The following CWF19L2 variants were observed in gnomAD, a reference collection of about 807,000 sequenced individuals.
CWF19L2 encodes the protein CWF19 like cell cycle control factor 2, also known as CWF19-like protein 2.
Under a neutral mutation model 111.7 loss-of-function variants are expected in CWF19L2, and 98 were observed. The ratio of observed to expected loss-of-function variants is 0.88; its 90% CI spans 0.75 to 1.04. The LOEUF (loss-of-function observed/expected upper bound fraction) is 1.04. Among genes scored for constraint, CWF19L2 ranks in the 50% least tolerant of loss-of-function variants. The pLI, the probability that CWF19L2 is intolerant of heterozygous loss-of-function variation, is 0.00. For missense variants in CWF19L2, 1,101 were observed against 1,051.4 expected (o/e 1.05, Z -0.65); for synonymous variants, 351 against 342.9 (o/e 1.02, Z -0.26).
At position 107,374,414 on chromosome 11, in the gene CWF19L2, C is replaced by T. The variant is rs1464441923; in HGVS notation, c.1872+15660G>A. 3.0e-3 allele frequency among the ~76,000 whole-genome samples: 406 copies of T among 134,682 alleles called. 20 individuals carry two copies. The highest frequency in any genetic ancestry group is 0.011 in the African/African-American group (360 of 32,476). 88.4% of individuals were successfully genotyped at this position (134,682 alleles called of 152,430 possible). A position where few individuals can be genotyped will look rare whatever the true frequency, so the allele number is the denominator to read the frequency against. ...AAAGGGAAGCCCATCAGACTAACAG[C>T]AGATCTCTCGGCAGAAACTCTACAA... On this transcript the variant is annotated intron_variant, in intron 12 of 17. Transcript: ENST00000282251.
Position 107,346,087 on chromosome 11 carries a change from T to C in CWF19L2, c.2202+2850A>G, listed in dbSNP as rs538470605. ...TTTAAGGAAACTATACTGCACAATG[T>C]TGCAGGTCCTTTTGTATCACCACAG... On this transcript the variant is annotated intron_variant, in intron 14 of 17. Transcript: ENST00000282251. Among the ~76,000 whole-genome samples, 70 of 152,288 alleles carry C rather than the reference T, an allele frequency of 4.6e-4. 1 individual carries two copies. Among genetic ancestry groups the C allele is most frequent in the African/African-American group, 1.6e-3 (67 of 41,568 alleles).
At position 107,349,044 on chromosome 11, in the gene CWF19L2, A is replaced by G. The variant is rs1244272226; in HGVS notation, c.2095T>C (p.Cys699Arg). The G allele has an allele frequency of 3.8e-6, 6 of 1,576,014 alleles. No individual in the cohort carries two copies. In the South Asian group the frequency reaches 5.6e-5, roughly 15 times the overall value. Residue 699 changes from cysteine to arginine, a missense_variant, in exon 14 of 18, where the codon TGT becomes CGT. By Grantham distance (180) the Cys-to-Arg change is radical (BLOSUM62 -3). Coordinates refer to ENST00000282251, the MANE Select transcript of CWF19L2 (RefSeq NM_152434.3). ...IVAIGVKVYLCLPNVRSLTEG... is the reference protein window; with the variant it reads ...IVAIGVKVYLRLPNVRSLTEG... ...GTAAGAGACCGTACGTTGGGTAAACATAAATAAACCTATAAGAGAGAAATA... is the reference window on the plus strand; with the variant it reads ...GTAAGAGACCGTACGTTGGGTAAACGTAAATAAACCTATAAGAGAGAAATA...
At chr11:107,440,194 G>C (rs1256256439) in intron 5 of CWF19L2, among the ~76,000 whole-genome samples, 1 of 152,164 alleles carries the variant, frequency 6.6e-6, no homozygotes, top group Non-Finnish European at 1.5e-5. Flanking sequence ...TACCGAAGTT[G>C]ACCCTGGGAG....
chr11:107,451,068 A>G (rs960136940), intron 3 of CWF19L2, among the ~76,000 whole-genome samples: 24 of 152,252 alleles, frequency 1.6e-4, no homozygotes, highest in African/African-American at 5.1e-4. Flanking sequence ...TACATATGGA[A>G]TTTTCACCAA....
chr11:107,350,694 G>A (rs551086588), intron 13 of CWF19L2, among the ~76,000 whole-genome samples: 1 of 152,150 alleles, frequency 6.6e-6, no homozygotes, highest in African/African-American at 2.4e-5. Flanking sequence ...CAATGTAAAT[G>A]TAAAGTAAAA....
intron 8 of CWF19L2, among the ~76,000 whole-genome samples, chr11:107,418,695 T>C (rs1264023341): frequency 3.9e-5 from 6 of 152,216 alleles, no homozygotes; most frequent in African/African-American, 1.4e-4. Flanking sequence ...AAATGATATA[T>C]ATATCTAACT....
chr11:107,387,738 T>G (rs552427281), intron 12 of CWF19L2, among the ~76,000 whole-genome samples: 3 of 152,142 alleles, frequency 2.0e-5, no homozygotes, highest in African/African-American at 7.2e-5. Context: ...TAATTCACAA[T>G]AGGGTTCATG....
rs747296321 is a variant in CWF19L2 at position 107,429,152 on chromosome 11, A to G, written c.1080T>C (p.Ser360=). 1 of 1,613,824 alleles carries G rather than the reference A, an allele frequency of 6.2e-7. No individual in the cohort carries two copies. Among genetic ancestry groups the G allele is most frequent in the Non-Finnish European group, 8.5e-7 (1 of 1,179,806 alleles). Residue 360 remains serine, a synonymous_variant, in exon 8 of 18, where the codon TCT becomes TCC. Transcript: ENST00000282251. The stretch of plus-strand genomic sequence containing the variant: ...AGAATTTAGCTCTCAAATTGCCAAA[A>G]GAAAACTCTTGATTTTGCCTTGGGT... The part of the protein sequence containing the change: ...ESNPRQNQEF[S]FGNLRAKFLR...
intron 9 of CWF19L2, among the ~76,000 whole-genome samples, chr11:107,417,246 C>T (rs1861239526): frequency 6.6e-6 from 1 of 152,158 alleles, no homozygotes; most frequent in African/African-American, 2.4e-5. Context: ...TCTGGCTGTG[C>T]TATTCTGCCA....
At chr11:107,429,739 G>A (rs1215749794) in intron 7 of CWF19L2, among the ~76,000 whole-genome samples, 1 of 148,228 alleles carries the variant, frequency 6.7e-6, no homozygotes, top group Non-Finnish European at 1.5e-5. Flanking sequence ...GACAAACTTT[G>A]CAAAAAATAC....
rs1207997732 is a variant in CWF19L2 at position 107,367,374 on chromosome 11, A to G, written c.1873-13638T>C. ...ATCATGCTGCTATAAAGACACATGC[A>G]CACGTATGTTTATTGAGGCATTATT... On this transcript the variant is annotated intron_variant, in intron 12 of 17. Coordinates refer to ENST00000282251, the MANE Select transcript of CWF19L2 (RefSeq NM_152434.3). Among the ~76,000 whole-genome samples the G allele has an allele frequency of 2.3e-5, 3 of 129,156 alleles. 1 individual carries two copies. Among genetic ancestry groups the G allele is most frequent in the Non-Finnish European group, 4.9e-5 (3 of 61,140 alleles). 84.7% of individuals were successfully genotyped at this position (129,156 alleles called of 152,430 possible).
At chr11:107,403,890 G>A (rs1480320361) in intron 10 of CWF19L2, 4 of 798,076 alleles carry the variant, frequency 5.0e-6, no homozygotes, top group South Asian at 4.2e-5. Flanking sequence ...ATTTGAAGAA[G>A]TTCAGCTTCT....
rs1411039520 is a variant in CWF19L2 at position 107,326,695 on chromosome 11, G to A, written c.*215C>T. On this transcript the variant is annotated 3_prime_UTR_variant, in exon 18 of 18. Coordinates refer to ENST00000282251, the MANE Select transcript of CWF19L2 (RefSeq NM_152434.3). ...AATGTGAGCAGATCATCGAATATATGTTTTTACTCCATGGTGACTAAAATG... is the reference window on the plus strand; with the variant it reads ...AATGTGAGCAGATCATCGAATATATATTTTTACTCCATGGTGACTAAAATG... The A allele has an allele frequency of 2.4e-6, 1 of 414,862 alleles. No individual in the cohort carries two copies. 25.7% of individuals were successfully genotyped at this position (414,862 alleles called of 1,614,324 possible).
chr11:107,339,416 T>C (rs1859973063), intron 14 of CWF19L2, among the ~76,000 whole-genome samples: 1 of 152,162 alleles, frequency 6.6e-6, no homozygotes, highest in Non-Finnish European at 1.5e-5. Context: ...CAAACTGTTT[T>C]CCAAAGTGGT....
At chr11:107,334,838 G>A (rs1418995081) in intron 16 of CWF19L2, 43 bp downstream of exon 16, 3 of 1,187,426 alleles carry the variant, frequency 2.5e-6, no homozygotes, top group East Asian at 2.3e-5. Context: ...TAAAGATCCT[G>A]AGCACTAGGG....
intron 4 of CWF19L2, among the ~76,000 whole-genome samples, chr11:107,442,604 A>G (rs1464506023): frequency 6.6e-6 from 1 of 151,324 alleles, no homozygotes; most frequent in Non-Finnish European, 1.5e-5. Flanking sequence ...GGATTACTCG[A>G]GCTTGGGAGG....
chr11:107,432,362 G>A (rs900277721), intron 7 of CWF19L2, among the ~76,000 whole-genome samples: 1 of 152,196 alleles, frequency 6.6e-6, no homozygotes, highest in African/African-American at 2.4e-5. Flanking sequence ...CAGATCACGA[G>A]GTCAGGAGTT....
At position 107,442,503 on chromosome 11, in the gene CWF19L2, G is replaced by C. The variant is rs554449626; in HGVS notation, c.450+436C>G. Among the ~76,000 whole-genome samples, 130 of 148,152 alleles carry C rather than the reference G, an allele frequency of 8.8e-4. 1 individual carries two copies. The highest frequency in any genetic ancestry group is 3.2e-3 in the African/African-American group (128 of 39,946). The stretch of plus-strand genomic sequence containing the variant: ...TTGAGACCCAGTCTAGGCAACATAG[G>C]GAGACCCCAACTCTACACAAAATAA... On this transcript the variant is annotated intron_variant, in intron 4 of 17. Transcript: ENST00000282251.
chr11:107,455,214 A>T (rs1861836443), intron 2 of CWF19L2, among the ~76,000 whole-genome samples: 1 of 152,176 alleles, frequency 6.6e-6, no homozygotes, highest in Non-Finnish European at 1.5e-5. Context: ...GGATATGTTC[A>T]TTAGCTTGAC....
Sources: gnomAD v4.1 joint callset for allele counts (sites outside exome capture counted in the v4.1 genomes callset) on GRCh38, gnomAD v4.1.1 for gene constraint, MANE v1.5 for transcripts, NCBI Gene and HGNC (gene_info 2026-07-23, HGNC 2026-07-21) for gene names.